EXOC4: variants seen among roughly 807,000 people sequenced by gnomAD.
EXOC4 encodes the protein exocyst complex component 4, also known as SEC8-like 1.
EXOC4 carries 71 observed loss-of-function variants against 107.2 expected under a neutral mutation model. The observed-to-expected ratio is 0.66, with a 90% CI of 0.55 to 0.81. The LOEUF (loss-of-function observed/expected upper bound fraction) is 0.81, where lower values mean the gene tolerates loss of function less well. Ranked by LOEUF, EXOC4 falls within the 30% of genes least tolerant of loss-of-function variation. The pLI, the probability that EXOC4 is intolerant of heterozygous loss-of-function variation, is 0.00. For missense variants in EXOC4, 1,108 were observed against 1,189.6 expected (o/e 0.93, Z 1.01); for synonymous variants, 456 against 441.2 (o/e 1.03, Z -0.42).
At chr7:133,773,094 C>T (rs1196737533) in intron 10 of EXOC4, among the ~76,000 whole-genome samples, 1 of 151,992 alleles carries the variant, frequency 6.6e-6, no homozygotes, top group Non-Finnish European at 1.5e-5. Context: ...CATCCCAGAG[C>T]ATGCCTGGAG....
chr7:133,895,878 C>A, intron 12 of EXOC4, 143 bp downstream of exon 12: 1 of 831,172 alleles, frequency 1.2e-6, no homozygotes, highest in South Asian at 1.8e-5. Flanking sequence ...ATGGAAATAG[C>A]CTCCTAGACC....
intron 5 of EXOC4, among the ~76,000 whole-genome samples, chr7:133,349,233 G>C (rs906655088): frequency 1.3e-5 from 2 of 151,808 alleles, no homozygotes; most frequent in Non-Finnish European, 2.9e-5. Flanking sequence ...ATAGTGTTGT[G>C]CAACCATCAC....
chr7:133,681,023 G>A (rs1471733819), intron 10 of EXOC4, among the ~76,000 whole-genome samples: 1 of 152,180 alleles, frequency 6.6e-6, no homozygotes, highest in Non-Finnish European at 1.5e-5. Context: ...TGAGGGCTCA[G>A]TTTTTGGTTG....
rs899767667 is a variant in EXOC4, at chr7:133,750,392, A to G, written c.1515-66933A>G. Among the ~76,000 whole-genome samples, 14 of 152,038 alleles carry G rather than the reference A, an allele frequency of 9.2e-5. No individual in the cohort carries two copies. The South Asian group carries it at 1.2e-3, about 14-fold the overall frequency. Reference sequence around the variant, plus strand: ...AGGTCTTACACTCTTTTGGTTTTATATGGTGTTCCCTAATCGGAGATTCAG... The same window carrying G: ...AGGTCTTACACTCTTTTGGTTTTATGTGGTGTTCCCTAATCGGAGATTCAG... On this transcript the variant is annotated intron_variant, in intron 10 of 17. Coordinates refer to ENST00000253861, the MANE Select transcript of EXOC4 (RefSeq NM_021807.4).
intron 9 of EXOC4, among the ~76,000 whole-genome samples, chr7:133,591,480 T>C (rs1801539893): frequency 6.6e-6 from 1 of 152,202 alleles, no homozygotes; most frequent in African/African-American, 2.4e-5. Flanking sequence ...CTTATTTTGA[T>C]ACAAAAATGT....
the EXOC4 span, among the ~76,000 whole-genome samples, chr7:134,093,180 C>T: frequency 6.6e-6 from 1 of 152,076 alleles, no homozygotes. Flanking sequence ...AGAGACCCAT[C>T]TCACACATAA....
intron 9 of EXOC4, among the ~76,000 whole-genome samples, chr7:133,579,686 C>CTTTTTTTTTTTTT (rs11368284): frequency 2.9e-5 from 4 of 139,798 alleles, no homozygotes; most frequent in African/African-American, 7.9e-5. Context: ...CACAACTTTA[C>CTTTTTTTTTTTTT]TTTTTTTTTT....
At chr7:133,603,731 A>T (rs1585026339) in intron 9 of EXOC4, among the ~76,000 whole-genome samples, 1 of 152,208 alleles carries the variant, frequency 6.6e-6, no homozygotes, top group East Asian at 1.9e-4. Flanking sequence ...GCAAGACTGG[A>T]AGTTCTCGAG....
At chr7:133,648,359 C>T (rs1669897270) in intron 10 of EXOC4, among the ~76,000 whole-genome samples, 2 of 152,170 alleles carry the variant, frequency 1.3e-5, no homozygotes, top group Admixed American at 1.3e-4. Context: ...GCACTGTCTT[C>T]TGGAGAGCAT....
intron 9 of EXOC4, among the ~76,000 whole-genome samples, chr7:133,487,540 C>T (rs558696806): frequency 6.6e-6 from 1 of 152,256 alleles, no homozygotes; most frequent in Non-Finnish European, 1.5e-5. Flanking sequence ...GAAACTCTGT[C>T]TCTACTAAAA....
chr7:133,779,719 A>G (rs910784087), intron 10 of EXOC4, among the ~76,000 whole-genome samples: 2 of 152,200 alleles, frequency 1.3e-5, no homozygotes, highest in African/African-American at 4.8e-5. Flanking sequence ...AGCGCTCTGT[A>G]GCTAGCTAGA....
chr7:133,379,051 A>G (rs1317786542), intron 7 of EXOC4, among the ~76,000 whole-genome samples: 4 of 152,186 alleles, frequency 2.6e-5, no homozygotes, highest in Non-Finnish European at 5.9e-5. Context: ...TGTGAGAATA[A>G]GAATAGTACA....
intron 4 of EXOC4, among the ~76,000 whole-genome samples, chr7:133,307,048 A>G (rs2150569322): frequency 6.6e-6 from 1 of 152,348 alleles, no homozygotes; most frequent in African/African-American, 2.4e-5. Context: ...GCATTTCAGC[A>G]CTATCTACTG....
At chr7:133,428,468 C>A (rs1204673048) in intron 7 of EXOC4, among the ~76,000 whole-genome samples, 1 of 152,188 alleles carries the variant, frequency 6.6e-6, no homozygotes, top group African/African-American at 2.4e-5. Flanking sequence ...CAGGAAGAAG[C>A]AATGTCAGAA....
At chr7:133,754,173 C>G (rs1795850422) in intron 10 of EXOC4, among the ~76,000 whole-genome samples, 1 of 152,098 alleles carries the variant, frequency 6.6e-6, no homozygotes, top group Non-Finnish European at 1.5e-5. Context: ...ATTGACAGGT[C>G]TTAGCCTGTT....
At chr7:133,926,601 G>A (rs746229334) in intron 13 of EXOC4, among the ~76,000 whole-genome samples, 1 of 152,064 alleles carries the variant, frequency 6.6e-6, no homozygotes, top group Non-Finnish European at 1.5e-5. Flanking sequence ...AAAACTGCTT[G>A]TCTTATTTTC....
chr7:133,676,739 G>A (rs1794066336), intron 10 of EXOC4, among the ~76,000 whole-genome samples: 1 of 151,684 alleles, frequency 6.6e-6, no homozygotes. Context: ...ATATCTATGT[G>A]GTATCTAACT....
rs550500601 is a variant in EXOC4 at position 133,939,988 on chromosome 7, C to A, written c.2206+1919C>A. On this transcript the variant is annotated intron_variant, in intron 14 of 17. Transcript: ENST00000253861. ...GCAGCTCTAAAAAAGGGGCCACTTGCCTCTTTTCCTAGTTTTCTTTGACTT... is the reference window on the plus strand; with the variant it reads ...GCAGCTCTAAAAAAGGGGCCACTTGACTCTTTTCCTAGTTTTCTTTGACTT... Among the ~76,000 whole-genome samples the A allele has an allele frequency of 3.9e-5, 6 of 152,320 alleles. No individual in the cohort carries two copies. The South Asian group carries it at 1.2e-3, about 32-fold the overall frequency.
intron 9 of EXOC4, among the ~76,000 whole-genome samples, chr7:133,526,305 T>C (rs564956492): frequency 7.2e-5 from 11 of 152,342 alleles, no homozygotes; most frequent in African/African-American, 2.6e-4. Context: ...GTTAATCTTA[T>C]TTATAAATCT....
Sources: allele counts gnomAD v4.1 joint callset (sites outside exome capture counted in the v4.1 genomes callset), GRCh38; gene constraint gnomAD v4.1.1; transcripts MANE v1.5; gene names NCBI Gene and HGNC (gene_info 2026-07-23, HGNC 2026-07-21).